Variants in RBBP8 observed in about 807,000 individuals in gnomAD.
RBBP8 encodes the protein DNA endonuclease RBBP8.
Under a neutral mutation model 108.3 loss-of-function variants are expected in RBBP8, and 88 were observed. That is an observed-to-expected ratio of 0.81 (90% CI 0.68 to 0.97). The LOEUF (loss-of-function observed/expected upper bound fraction) is 0.97, where lower values mean the gene tolerates loss of function less well. Ranked by LOEUF, RBBP8 falls within the 50% of genes least tolerant of loss-of-function variation. RBBP8 has a pLI of 0.00. For missense variants in RBBP8, 1,023 were observed against 1,049.0 expected (o/e 0.98, Z 0.34); for synonymous variants, 332 against 348.2 (o/e 0.95, Z 0.52).
chr18:22,934,878 A>C (rs1321841167), intron 1 of RBBP8: 1 of 151,376 alleles, frequency 6.6e-6, no homozygotes, highest in Admixed American at 6.6e-5. Flanking sequence ...TCTTCCCCCA[A>C]CTCTAAAATG....
intron 4 of RBBP8, among the ~76,000 whole-genome samples, chr18:22,952,426 A>T (rs1007454507): frequency 6.6e-6 from 1 of 152,200 alleles, no homozygotes; most frequent in Non-Finnish European, 1.5e-5. Context: ...AGAAAGAGAA[A>T]CTATTAAAAT....
intron 16 of RBBP8, among the ~76,000 whole-genome samples, chr18:23,014,246 A>G (rs924721238): frequency 1.3e-5 from 2 of 151,970 alleles, no homozygotes; most frequent in East Asian, 1.9e-4. Flanking sequence ...CATGCCCGCT[A>G]ACACGTATCG....
intron 18 of RBBP8, among the ~76,000 whole-genome samples, chr18:23,022,637 T>TAAAATAAAATAATA (rs376205689): frequency 1.3e-5 from 1 of 78,050 alleles, no homozygotes; most frequent in African/African-American, 5.1e-5. Context: ...TAAAATAAAA[T>TAAAATAAAATAATA]AAATAAAATA....
intron 7 of RBBP8, among the ~76,000 whole-genome samples, chr18:22,984,262 T>G (rs1273028180): frequency 6.6e-6 from 1 of 152,236 alleles, no homozygotes; most frequent in Non-Finnish European, 1.5e-5. Context: ...AACTAAATCT[T>G]TAAATATTGG....
intron 7 of RBBP8, among the ~76,000 whole-genome samples, chr18:22,983,280 A>G (rs984359665): frequency 3.0e-4 from 45 of 152,346 alleles, no homozygotes; most frequent in African/African-American, 9.4e-4. Flanking sequence ...ATGTACTACT[A>G]TATTTGTATA....
chr18:22,952,770 T>C (rs1912154721), intron 4 of RBBP8, among the ~76,000 whole-genome samples: 1 of 152,166 alleles, frequency 6.6e-6, no homozygotes, highest in South Asian at 2.1e-4. Context: ...GGATATGTAG[T>C]AGAGGATTTC....
At chr18:22,987,137 CTACTT>C (rs1442359449) in intron 8 of RBBP8, among the ~76,000 whole-genome samples, 1 of 152,162 alleles carries the variant, frequency 6.6e-6, no homozygotes, top group Non-Finnish European at 1.5e-5. Flanking sequence ...CTCAATATCT[CTACTT>C]TACTAATTCC....
intron 6 of RBBP8, among the ~76,000 whole-genome samples, chr18:22,978,078 T>C (rs937407084): frequency 6.6e-6 from 1 of 152,346 alleles, no homozygotes; most frequent in Non-Finnish European, 1.5e-5. Context: ...ATGGCTATAA[T>C]GTTACTTCGT....
Position 22,982,349 on chromosome 18 carries a change from T to C in RBBP8, c.560T>C (p.Ile187Thr), listed in dbSNP as rs765791481. The change falls in exon 7 of 19, where the codon ATA becomes ACA. Residue 187 changes from isoleucine (I) to threonine (T), a missense_variant. Ile to Thr is a moderately conservative substitution (Grantham distance 89). Coordinates refer to ENST00000327155, the MANE Select transcript of RBBP8 (RefSeq NM_002894.3). ...AAGGAGAACCCCCATGTCCGATACA[T>C]AGAACAAACACATACTAAATTGGAG... is the stretch of plus-strand genomic sequence containing the variant. ...RRKENPHVRY[I>T]EQTHTKLEHS... is the part of the protein sequence containing the mutation. 7 of 1,614,036 alleles carry C rather than the reference T, an allele frequency of 4.3e-6. No individual in the cohort carries two copies. Among genetic ancestry groups the C allele is most frequent in the African/African-American group, 1.3e-5 (1 of 74,932 alleles).
chr18:23,004,056 C>CAAACAA (rs2045994740), intron 15 of RBBP8, among the ~76,000 whole-genome samples: 1 of 69,656 alleles, frequency 1.4e-5, no homozygotes, highest in East Asian at 5.7e-4. Context: ...GACCCCGTCT[C>CAAACAA]AAAAAAAAAA....
chr18:22,918,259 G>A (rs1909445124), intron 3 of RBBP8, among the ~76,000 whole-genome samples: 1 of 152,166 alleles, frequency 6.6e-6, no homozygotes, highest in Admixed American at 6.6e-5. Flanking sequence ...AGTAACAACA[G>A]GGATACATTC....
At chr18:22,974,727 G>C (rs1042626864) in intron 5 of RBBP8, among the ~76,000 whole-genome samples, 2 of 152,110 alleles carry the variant, frequency 1.3e-5, no homozygotes, top group Non-Finnish European at 2.9e-5. Flanking sequence ...CTGAGTGCTG[G>C]GATTACAGCT....
At chr18:23,009,725 A>T (rs1405038650) in intron 16 of RBBP8, among the ~76,000 whole-genome samples, 1 of 152,090 alleles carries the variant, frequency 6.6e-6, no homozygotes. Context: ...GTATATAGTC[A>T]TGCTATCCAT....
intron 4 of RBBP8, among the ~76,000 whole-genome samples, chr18:22,958,302 G>A (rs774686974): frequency 6.6e-6 from 1 of 152,206 alleles, no homozygotes; most frequent in Non-Finnish European, 1.5e-5. Context: ...CGTATCTGAT[G>A]TCATGGCCTT....
At chr18:22,924,272 G>A (rs1213863509) in intron 3 of RBBP8, among the ~76,000 whole-genome samples, 2 of 151,780 alleles carry the variant, frequency 1.3e-5, no homozygotes, top group African/African-American at 2.4e-5. Flanking sequence ...GGGACTACAG[G>A]TGCACACCAC....
At chr18:22,956,895 GTAT>G (rs2144527503) in intron 4 of RBBP8, among the ~76,000 whole-genome samples, 1 of 152,174 alleles carries the variant, frequency 6.6e-6, no homozygotes, top group South Asian at 2.1e-4. Flanking sequence ...AGGAACTAAA[GTAT>G]TTCACTAAAT....
At chr18:22,940,102 G>C (rs113740370) in intron 2 of RBBP8, among the ~76,000 whole-genome samples, 116 of 152,104 alleles carry the variant, frequency 7.6e-4, no homozygotes, top group Middle Eastern at 6.8e-3. Flanking sequence ...TCCAAATTAT[G>C]TAAAATGGTA....
In RBBP8 at chr18:22,993,511, C is replaced by T; in HGVS notation, c.1684C>T (p.Gln562Ter). The T allele has an allele frequency of 6.2e-7, 1 of 1,613,552 alleles. No individual in the cohort carries two copies. The highest frequency in any genetic ancestry group is 8.5e-7 in the Non-Finnish European group (1 of 1,179,876). Residue 562 changes from glutamine to a stop codon, truncating the protein, a stop_gained, in exon 11 of 19, where the codon CAG becomes TAG. Coordinates refer to ENST00000327155, the MANE Select transcript of RBBP8 (RefSeq NM_002894.3). LOFTEE classifies it high-confidence loss of function. ...EPCSQECIILQPLNKCSPDNK... is the reference protein window; with the variant it reads ...EPCSQECIIL ...CTGTTCACAGGAATGCATCATCCTT[C>T]AGCCCTTGAATAAATGCTCTCCAGA...
chr18:22,963,240 T>A (rs1180371913), intron 4 of RBBP8, among the ~76,000 whole-genome samples: 2 of 152,150 alleles, frequency 1.3e-5, no homozygotes, highest in East Asian at 3.8e-4. Flanking sequence ...TTCTTTTTTC[T>A]GCTTTCTACA....
Sources: allele counts gnomAD v4.1 joint callset (sites outside exome capture counted in the v4.1 genomes callset), GRCh38; gene constraint gnomAD v4.1.1; transcripts MANE v1.5; gene names NCBI Gene and HGNC (gene_info 2026-07-23, HGNC 2026-07-21).